MARCHF1: variants seen among roughly 807,000 people sequenced by gnomAD.
The protein encoded by MARCHF1 is membrane associated ring-CH-type finger 1, also known as E3 ubiquitin-protein ligase MARCHF1.
MARCHF1 carries 40 observed loss-of-function variants against 54.2 expected under a neutral mutation model. The observed-to-expected ratio is 0.74, with a 90% CI of 0.57 to 0.96. MARCHF1 has a LOEUF of 0.96. Ranked by LOEUF, MARCHF1 falls within the 40% of genes least tolerant of loss-of-function variation. MARCHF1 has a pLI of 0.00. For missense variants in MARCHF1, 586 were observed against 656.5 expected (o/e 0.89, Z 1.17); for synonymous variants, 236 against 236.3 (o/e 1.00, Z 0.01).
At position 163,528,684 on chromosome 4, in the gene MARCHF1, G is replaced by A; in HGVS notation, c.*64C>T. On this transcript the variant is annotated 3_prime_UTR_variant, in exon 10 of 10. Transcript: ENST00000514618. ...GAGTAAATAATTCAAGATCACTTCT[G>A]TCATTTGTAGTGGCTGAGGGCTAGA... 2 of 1,477,476 alleles carry A rather than the reference G, an allele frequency of 1.4e-6. No homozygotes were observed. 91.5% of individuals were successfully genotyped at this position (1,477,476 alleles called of 1,614,324 possible). A position where few individuals can be genotyped will look rare whatever the true frequency, so the allele number is the denominator to read the frequency against.
chr4:164,185,671 CT>C (rs962279869), intron 1 of MARCHF1, among the ~76,000 whole-genome samples: 1 of 152,024 alleles, frequency 6.6e-6, no homozygotes, highest in Admixed American at 6.6e-5. Flanking sequence ...TGAAAGTAGA[CT>C]TTTTTTCCCA....
chr4:164,269,670 G>C (rs1733695000), intron 1 of MARCHF1, among the ~76,000 whole-genome samples: 1 of 151,982 alleles, frequency 6.6e-6, no homozygotes, highest in Admixed American at 6.6e-5. Flanking sequence ...AAGAATTTCT[G>C]TAACAGTGCA....
intron 1 of MARCHF1, among the ~76,000 whole-genome samples, chr4:164,367,403 C>CA: frequency 6.6e-6 from 1 of 152,066 alleles, no homozygotes; most frequent in Non-Finnish European, 1.5e-5. Context: ...TGTATATTAT[C>CA]AAAAATCACT....
intron 7 of MARCHF1, among the ~76,000 whole-genome samples, chr4:163,586,472 C>T (rs2320770): frequency 0.42 from 63,949 of 151,990 alleles, 13,760 homozygotes; most frequent in East Asian, 0.51. Context: ...ATTGGAAACA[C>T]TTCTAGCACC....
intron 1 of MARCHF1, among the ~76,000 whole-genome samples, chr4:164,122,389 G>A (rs1360509593): frequency 6.6e-6 from 1 of 152,060 alleles, no homozygotes. Context: ...TGCCAATAAT[G>A]TTCAAGATGG....
In MARCHF1 at chr4:163,528,768, G is replaced by C. The variant is rs773805475; in HGVS notation, c.1618C>G (p.Pro540Ala). 3.1e-6 allele frequency: 5 copies of C among 1,611,540 alleles called. No individual in the cohort carries two copies. Among genetic ancestry groups the C allele is most frequent in the Non-Finnish European group, 4.2e-6 (5 of 1,178,330 alleles). ...NSLPSAEGGP[P>A]EVVSV Reference sequence around the variant, plus strand: ...TTCCATCAGACTGATACAACTTCAGGGGGGCCACCCTCTGCAGATGGCAGT... The same window carrying C: ...TTCCATCAGACTGATACAACTTCAGCGGGGCCACCCTCTGCAGATGGCAGT... Residue 540 changes from proline to alanine, a missense_variant, in exon 10 of 10, where the codon CCT (proline) becomes GCT (alanine). This residue lies in a region of MARCHF1 where 106 missense variants were observed against 93.8 expected (regional missense o/e 1.13). Transcript: ENST00000514618.
intron 3 of MARCHF1, among the ~76,000 whole-genome samples, chr4:163,860,422 T>C (rs1205734340): frequency 6.6e-6 from 1 of 152,108 alleles, no homozygotes; most frequent in Non-Finnish European, 1.5e-5. Context: ...CACCGTGAAA[T>C]ACCCCCAAAC....
intron 5 of MARCHF1, among the ~76,000 whole-genome samples, chr4:163,627,387 G>C (rs1741908635): frequency 6.6e-6 from 1 of 152,112 alleles, no homozygotes; most frequent in African/African-American, 2.4e-5. Flanking sequence ...TTCTTCGATA[G>C]CATAGCCCTT....
intron 1 of MARCHF1, among the ~76,000 whole-genome samples, chr4:164,269,528 TATCTC>T (rs1733691814): frequency 6.6e-6 from 1 of 152,202 alleles, no homozygotes; most frequent in African/African-American, 2.4e-5. Context: ...ATAGCACAAA[TATCTC>T]AGATTATAAT....
intron 5 of MARCHF1, among the ~76,000 whole-genome samples, chr4:163,629,790 T>A (rs192616763): frequency 1.3e-5 from 2 of 150,634 alleles, no homozygotes; most frequent in Non-Finnish European, 3.0e-5. Flanking sequence ...ATGTAACAAA[T>A]CTGCACGTTC....
intron 3 of MARCHF1, among the ~76,000 whole-genome samples, chr4:163,939,812 C>G (rs989677956): frequency 1.3e-5 from 2 of 152,086 alleles, no homozygotes; most frequent in Non-Finnish European, 2.9e-5. Context: ...GCATAACATG[C>G]CGAACTATTA....
At chr4:164,138,175 CT>C (rs1490665176) in intron 1 of MARCHF1, among the ~76,000 whole-genome samples, 2 of 150,482 alleles carry the variant, frequency 1.3e-5, no homozygotes, top group African/African-American at 4.9e-5. Flanking sequence ...TTATTAAGTT[CT>C]TTTTCATCTG....
At chr4:164,061,013 C>T (rs1205466933) in intron 2 of MARCHF1, among the ~76,000 whole-genome samples, 3 of 152,152 alleles carry the variant, frequency 2.0e-5, no homozygotes, top group Non-Finnish European at 4.4e-5. Flanking sequence ...TGTGCCATCA[C>T]TTAGAAATGT....
In MARCHF1 at chr4:163,975,536, A is replaced by G. The variant is rs373189127; in HGVS notation, c.-39+12965T>C. On this transcript the variant is annotated intron_variant, in intron 3 of 9. Coordinates refer to ENST00000514618, the MANE Select transcript of MARCHF1 (RefSeq NM_001394959.1). ...GTTGTTACCAGCAGAATAACCTCAA[A>G]TTAGAAAAAATGCCGCAAGTCAAAT... 3.0e-4 allele frequency among the ~76,000 whole-genome samples: 45 copies of G among 152,336 alleles called. No homozygotes were observed. The East Asian group carries it at 4.4e-3, about 15-fold the overall frequency.
At chr4:164,115,210 A>G (rs903205526) in intron 1 of MARCHF1, among the ~76,000 whole-genome samples, 32 of 152,094 alleles carry the variant, frequency 2.1e-4, no homozygotes, top group Admixed American at 1.3e-4. Flanking sequence ...GATAAAAAAC[A>G]TAAACCATTA....
At chr4:163,542,918 G>A (rs1372543754) in intron 9 of MARCHF1, among the ~76,000 whole-genome samples, 1 of 152,136 alleles carries the variant, frequency 6.6e-6, no homozygotes, top group African/African-American at 2.4e-5. Flanking sequence ...GGATGAGGGA[G>A]GTGTGTGAGA....
At chr4:164,155,589 C>T (rs538879844) in intron 1 of MARCHF1, among the ~76,000 whole-genome samples, 7 of 152,038 alleles carry the variant, frequency 4.6e-5, no homozygotes, top group South Asian at 2.1e-4. Context: ...CAAAGCAAGT[C>T]GAATACCACA....
chr4:163,707,012 CAATAAATGT>C (rs1561030159), intron 4 of MARCHF1, among the ~76,000 whole-genome samples: 1 of 151,978 alleles, frequency 6.6e-6, no homozygotes, highest in African/African-American at 2.4e-5. Flanking sequence ...ATAGTTGATA[CAATAAATGT>C]TGCTGGACAA....
At chr4:164,248,624 T>C (rs1579659076) in intron 1 of MARCHF1, among the ~76,000 whole-genome samples, 1 of 152,080 alleles carries the variant, frequency 6.6e-6, no homozygotes, top group Non-Finnish European at 1.5e-5. Context: ...GTTAACAGGA[T>C]GAGAATAAAT....
Sources: allele counts gnomAD v4.1 joint callset (sites outside exome capture counted in the v4.1 genomes callset), GRCh38; gene constraint gnomAD v4.1.1; regional missense constraint gnomAD v4.1.1; transcripts MANE v1.5; gene names NCBI Gene and HGNC (gene_info 2026-07-23, HGNC 2026-07-21).